LRRC57: variants seen among roughly 807,000 people sequenced by gnomAD.
LRRC57 encodes leucine rich repeat containing 57, also known as leucine-rich repeat-containing protein 57.
In LRRC57, 14 loss-of-function variants were observed where a neutral mutation model predicts 23.1. The observed-to-expected ratio is 0.61, with a 90% CI of 0.40 to 0.95. The LOEUF is 0.95. LRRC57 is among the 40% of genes least tolerant of loss of function. The pLI, the probability that LRRC57 is intolerant of heterozygous loss-of-function variation, is 0.00. For missense variants in LRRC57, 236 were observed against 284.4 expected (o/e 0.83, Z 1.22); for synonymous variants, 106 against 115.2 (o/e 0.92, Z 0.51).
chr15:42,531,477 A>G, the LRRC57 span: 1 of 1,598,694 alleles, frequency 6.3e-7, no homozygotes, highest in Non-Finnish European at 8.5e-7. Flanking sequence ...ATTGACAGCT[A>G]AAGCTACTGC....
chr15:42,548,637 T>TG lies in LRRC57; in HGVS notation c.-23+55dup, dbSNP rs2057680135. ...CCAAGCCCTGCCGCCTTTGCAGCTC[T>TG]GCGGAGGCCAGGCGCCTCTGGGAGC... On this transcript the variant is annotated intron_variant, in intron 1 of 5. Coordinates refer to ENST00000397130, the MANE Select transcript of LRRC57 (RefSeq NM_153260.3). 7 of 633,620 alleles carry TG rather than the reference T, an allele frequency of 1.1e-5. No homozygotes were observed. The South Asian group carries it at 1.4e-4, about 13-fold the overall frequency. 39.2% of individuals were successfully genotyped at this position (633,620 alleles called of 1,614,324 possible).
chr15:42,539,674 G>A lies in LRRC57; in HGVS notation c.*4409C>T, dbSNP rs953365294. The A allele has an allele frequency of 1.3e-5, 2 of 152,018 alleles. No individual in the cohort carries two copies. Among genetic ancestry groups the A allele is most frequent in the African/African-American group, 4.8e-5 (2 of 41,398 alleles). 9.4% of individuals were successfully genotyped at this position (152,018 alleles called of 1,614,324 possible). The stretch of plus-strand genomic sequence containing the variant: ...GACTAGTGGCCAGATTCAAATCTGG[G>A]TCTTTAGACCACAAGCTAGTTTACT... On this transcript the variant is annotated 3_prime_UTR_variant, in exon 6 of 6. Transcript: ENST00000397130.
rs894341983 is a variant in LRRC57, at chr15:42,548,515, G to T, written c.-22-59C>A. ...TCCACCCGGTCGGCCTCCCGGCTGG[G>T]GCTCCTGCCCCAGCTCTCAACTCCC... On this transcript the variant is annotated intron_variant, in intron 1 of 5. Transcript: ENST00000397130. The T allele has an allele frequency of 7.8e-6, 11 of 1,409,646 alleles. No homozygotes were observed. The African/African-American group carries it at 1.0e-4, about 13-fold the overall frequency. The allele number at this position is 1,409,646 out of a possible 1,614,324, so 87.3% of individuals were successfully genotyped here. A position where few individuals can be genotyped will look rare whatever the true frequency, so the allele number is the denominator to read the frequency against.
chr15:42,528,327 C>T, the LRRC57 span: 4 of 1,614,036 alleles, frequency 2.5e-6, no homozygotes, highest in South Asian at 3.3e-5. Flanking sequence ...GAAAACTCAC[C>T]TTGCAATGTA....
chr15:42,548,791 T>C lies in LRRC57; in HGVS notation c.-121A>G. ...GGCTTAGTCCCGGGCGGGAACGCCC[T>C]GTGACGTCATCGAGCCGCGCCGTGC... On this transcript the variant is annotated 5_prime_UTR_variant, in exon 1 of 6. Coordinates refer to ENST00000397130, the MANE Select transcript of LRRC57 (RefSeq NM_153260.3). 1 of 1,066,822 alleles carries C rather than the reference T, an allele frequency of 9.4e-7. No individual in the cohort carries two copies. Among genetic ancestry groups the C allele is most frequent in the Non-Finnish European group, 1.4e-6 (1 of 724,714 alleles). 66.1% of individuals were successfully genotyped at this position (1,066,822 alleles called of 1,614,324 possible).
chr15:42,544,075 G>A lies in LRRC57; in HGVS notation c.*8C>T. 1 of 1,612,210 alleles carries A rather than the reference G, an allele frequency of 6.2e-7. No homozygotes were observed. The highest frequency in any genetic ancestry group is 8.5e-7 in the Non-Finnish European group (1 of 1,178,824). The stretch of plus-strand genomic sequence containing the variant: ...TATCCTGTAAGGTTTCCATAGTCCT[G>A]GAGAACTTCACGCAAACTTCTTCTT... On this transcript the variant is annotated 3_prime_UTR_variant, in exon 6 of 6. Transcript: ENST00000397130.
chr15:42,544,702 T>C (rs1034880825), intron 5 of LRRC57, among the ~76,000 whole-genome samples: 1 of 150,474 alleles, frequency 6.6e-6, no homozygotes, highest in African/African-American at 2.5e-5. Flanking sequence ...TGATCCCAGC[T>C]ACTAGGGGGG....
Position 42,543,995 on chromosome 15 carries a change from T to C in LRRC57, c.*88A>G. 1 of 1,044,502 alleles carries C rather than the reference T, an allele frequency of 9.6e-7. No individual in the cohort carries two copies. Among genetic ancestry groups the C allele is most frequent in the South Asian group, 1.4e-5 (1 of 72,782 alleles). 64.7% of individuals were successfully genotyped at this position (1,044,502 alleles called of 1,614,324 possible). ...ATCATCTCCTTACTGTAGATACCCC[T>C]AACAACAACAGGAGGCTTTGACTCA... is the stretch of plus-strand genomic sequence containing the variant. On this transcript the variant is annotated 3_prime_UTR_variant, in exon 6 of 6. Transcript: ENST00000397130.
At chr15:42,528,570 A>G in the LRRC57 span, 1 of 824,526 alleles carries the variant, frequency 1.2e-6, no homozygotes, top group Non-Finnish European at 1.9e-6. Context: ...CCCACTGACA[A>G]AATGTGGGTT....
chr15:42,538,685 GGC>G lies in LRRC57; in HGVS notation c.*5396_*5397del, dbSNP rs1299142551. 1.3e-5 allele frequency: 2 copies of G among 152,160 alleles called. No homozygotes were observed. The highest frequency in any genetic ancestry group is 2.9e-5 in the Non-Finnish European group (2 of 68,028). The allele number at this position is 152,160 out of a possible 1,614,324, so 9.4% of individuals were successfully genotyped here. A position where few individuals can be genotyped will look rare whatever the true frequency, so the allele number is the denominator to read the frequency against. On this transcript the variant is annotated 3_prime_UTR_variant, in exon 6 of 6. Transcript: ENST00000397130. ...ATTTACTGAGTGCTTACTCTGTCAT[GGC>G]CACTATGCTAAGTGCTTTTATATAG... is the stretch of plus-strand genomic sequence containing the variant.
downstream of LRRC57, among the ~76,000 whole-genome samples, chr15:42,534,451 G>A (rs1043986188): frequency 2.0e-5 from 3 of 152,096 alleles, no homozygotes; most frequent in Non-Finnish European, 2.9e-5. Flanking sequence ...GTCTTCAAAC[G>A]CCCAGTCATC....
Position 42,547,447 on chromosome 15 carries a change from A to G in LRRC57, c.306T>C (p.Ser102=). 6.2e-7 allele frequency: 1 copy of G among 1,614,160 alleles called. No homozygotes were observed. Among genetic ancestry groups the G allele is most frequent in the Non-Finnish European group, 8.5e-7 (1 of 1,179,980 alleles). The change falls in exon 4 of 6, where the codon TCT becomes TCC. Residue 102 remains serine, a synonymous_variant. Coordinates refer to ENST00000397130, the MANE Select transcript of LRRC57 (RefSeq NM_153260.3). ...LNNNHLRELP[S]TFGQLSALKT... ...TGAGGGCAGAGAGTTGCCCAAAGGT[A>G]GACGGCAGCTCTCTAAGGTGATTGT...
Position 42,548,250 on chromosome 15 carries a change from G to T in LRRC57, c.85-6C>A. Reference sequence around the variant, plus strand: ...TTCTGCAAGTCTGCGGGGAACTGGAGAAAGGAGTTCACAGCGTGGGGAATC... The same window carrying T: ...TTCTGCAAGTCTGCGGGGAACTGGATAAAGGAGTTCACAGCGTGGGGAATC... On this transcript the variant is annotated splice_region_variant and splice_polypyrimidine_tract_variant and intron_variant, in intron 2 of 5. Coordinates refer to ENST00000397130, the MANE Select transcript of LRRC57 (RefSeq NM_153260.3). 1 of 1,614,226 alleles carries T rather than the reference G, an allele frequency of 6.2e-7. No homozygotes were observed. Among genetic ancestry groups the T allele is most frequent in the Non-Finnish European group, 8.5e-7 (1 of 1,180,042 alleles).
intron 5 of LRRC57, 21 bp downstream of exon 5, chr15:42,545,056 C>T: frequency 6.5e-7 from 1 of 1,531,168 alleles, no homozygotes; most frequent in Admixed American, 2.1e-5. Flanking sequence ...ACTAGAAATG[C>T]AGAAGTACAT....
chr15:42,533,759 C>G (rs917142601), downstream of LRRC57, among the ~76,000 whole-genome samples: 6 of 152,202 alleles, frequency 3.9e-5, no homozygotes, highest in African/African-American at 1.4e-4. Flanking sequence ...ACCTCAGATA[C>G]TGAGGGTTCA....
chr15:42,547,370 C>G lies in LRRC57; in HGVS notation c.383G>C (p.Cys128Ser). 2 of 1,614,156 alleles carry G rather than the reference C, an allele frequency of 1.2e-6. No individual in the cohort carries two copies. Among genetic ancestry groups the G allele is most frequent in the Non-Finnish European group, 8.5e-7 (1 of 1,180,026 alleles). Residue 128 changes from cysteine (C) to serine (S), a missense_variant, in exon 4 of 6, where the codon TGT becomes TCT. Coordinates refer to ENST00000397130, the MANE Select transcript of LRRC57 (RefSeq NM_153260.3). The part of the protein sequence containing the change: ...NQLGALPPQL[C>S]SLRHLDVMDL... ...CATCACATCCAGGTGCCGTAGGCTACAAAGTTGGGGAGGTAATGCTCCCAG... is the reference window on the plus strand; with the variant it reads ...CATCACATCCAGGTGCCGTAGGCTAGAAAGTTGGGGAGGTAATGCTCCCAG...
Position 42,546,298 on chromosome 15 carries a change from C to G in LRRC57, c.492+963G>C, listed in dbSNP as rs185529509. ...TTTAAACAAGCTTTTCTGGTTAATTCTGATGCATACTAAACTTAGAGAACC... is the reference window on the plus strand; with the variant it reads ...TTTAAACAAGCTTTTCTGGTTAATTGTGATGCATACTAAACTTAGAGAACC... On this transcript the variant is annotated intron_variant, in intron 4 of 5. Coordinates refer to ENST00000397130, the MANE Select transcript of LRRC57 (RefSeq NM_153260.3). 2.6e-3 allele frequency among the ~76,000 whole-genome samples: 389 copies of G among 152,272 alleles called. 3 individuals carry two copies. Among genetic ancestry groups the G allele is most frequent in the Non-Finnish European group, 4.2e-3 (284 of 68,020 alleles).
Position 42,538,856 on chromosome 15 carries a change from T to C in LRRC57, c.*5227A>G, listed in dbSNP as rs1269571255. Reference sequence around the variant, plus strand: ...GACTCCAGGGCCCATAATTTTAATATACTACATTGCCTTCCAAACCAAGCT... The same window carrying C: ...GACTCCAGGGCCCATAATTTTAATACACTACATTGCCTTCCAAACCAAGCT... On this transcript the variant is annotated 3_prime_UTR_variant, in exon 6 of 6. Coordinates refer to ENST00000397130, the MANE Select transcript of LRRC57 (RefSeq NM_153260.3). The C allele has an allele frequency of 1.3e-5, 2 of 152,184 alleles. No individual in the cohort carries two copies. Among genetic ancestry groups the C allele is most frequent in the Non-Finnish European group, 2.9e-5 (2 of 68,040 alleles). 9.4% of individuals were successfully genotyped at this position (152,184 alleles called of 1,614,324 possible). A position where few individuals can be genotyped will look rare whatever the true frequency, so the allele number is the denominator to read the frequency against.
Position 42,544,058 on chromosome 15 carries a change from A to C in LRRC57, c.*25T>G. The C allele has an allele frequency of 6.2e-7, 1 of 1,608,350 alleles. No individual in the cohort carries two copies. On this transcript the variant is annotated 3_prime_UTR_variant, in exon 6 of 6. Transcript: ENST00000397130. ...CAGAGGTTCTAAGTCAGTATCCTGT[A>C]AGGTTTCCATAGTCCTGGAGAACTT... is the stretch of plus-strand genomic sequence containing the variant.
Sources: allele counts gnomAD v4.1 joint callset (sites outside exome capture counted in the v4.1 genomes callset), GRCh38; gene constraint gnomAD v4.1.1; transcripts MANE v1.5; gene names NCBI Gene and HGNC (gene_info 2026-07-23, HGNC 2026-07-21).